PIAS1: variants seen among roughly 807,000 people sequenced by gnomAD.
PIAS1 encodes protein inhibitor of activated STAT 1.
In PIAS1, 6 loss-of-function variants were observed where a neutral mutation model predicts 71.3. That is an observed-to-expected ratio of 0.08 (90% CI 0.05 to 0.17). The LOEUF (loss-of-function observed/expected upper bound fraction) is 0.17, where lower values mean the gene tolerates loss of function less well. Among genes scored for constraint, PIAS1 ranks in the 10% least tolerant of loss-of-function variants. PIAS1 has a pLI of 1.00. For missense variants in PIAS1, 555 were observed against 793.6 expected, an observed-to-expected ratio of 0.70 and a Z score of 3.61; for synonymous variants, 303 against 292.9, an observed-to-expected ratio of 1.03 and a Z score of -0.35.
chr15:68,179,136 G>A (rs376283400), intron 11 of PIAS1, among the ~76,000 whole-genome samples: 1 of 152,182 alleles, frequency 6.6e-6, no homozygotes, highest in East Asian at 1.9e-4. Flanking sequence ...CCTCAGTACA[G>A]CATATTGTGT....
chr15:68,105,022 G>T (rs1372825076), intron 2 of PIAS1, among the ~76,000 whole-genome samples: 1 of 152,110 alleles, frequency 6.6e-6, no homozygotes, highest in Non-Finnish European at 1.5e-5. Context: ...TTCAACTCAG[G>T]GTAGGTGGGT....
Position 68,070,695 on chromosome 15 carries a change from T to C in PIAS1, c.25-15611T>C, listed in dbSNP as rs560838359. On this transcript the variant is annotated intron_variant, in intron 1 of 13. Transcript: ENST00000249636. ...AGTATGAAAAAAAGAATGGAAAATA[T>C]CTCATTAATGATTGATATTGATTGC... Among the ~76,000 whole-genome samples the C allele has an allele frequency of 3.6e-4, 47 of 131,412 alleles. 1 individual carries two copies. The East Asian group carries it at 4.0e-3, about 11-fold the overall frequency. 86.2% of individuals were successfully genotyped at this position (131,412 alleles called of 152,430 possible).
intron 10 of PIAS1, among the ~76,000 whole-genome samples, 195 bp downstream of exon 10, chr15:68,175,962 T>A (rs1419375401): frequency 6.6e-6 from 1 of 152,204 alleles, no homozygotes; most frequent in East Asian, 1.9e-4. Flanking sequence ...TTTAAAAAAT[T>A]TACTGATATA....
chr15:68,142,473 G>A (rs1327190602), intron 4 of PIAS1, 136 bp downstream of exon 4: 1 of 627,776 alleles, frequency 1.6e-6, no homozygotes, highest in Non-Finnish European at 2.7e-6. Flanking sequence ...ATCAGGAAGG[G>A]GAAATGGAAA....
At chr15:68,076,197 A>G (rs1275538629) in intron 1 of PIAS1, among the ~76,000 whole-genome samples, 1 of 152,112 alleles carries the variant, frequency 6.6e-6, no homozygotes, top group Non-Finnish European at 1.5e-5. Flanking sequence ...ACTCTGGAAG[A>G]TGTTTATTTT....
intron 1 of PIAS1, among the ~76,000 whole-genome samples, chr15:68,063,122 G>T (rs1218615113): frequency 4.6e-5 from 7 of 152,140 alleles, no homozygotes; most frequent in East Asian, 1.9e-4. Flanking sequence ...TCACAGGTAA[G>T]GGTTGTATAG....
intron 12 of PIAS1, 66 bp from the exon 13 acceptor site, chr15:68,183,553 GTTTTTGAAGTA>G (rs1286993427): frequency 1.8e-5 from 12 of 650,558 alleles, no homozygotes; most frequent in Non-Finnish European, 2.8e-5. Context: ...ACTTGTATTT[GTTTTTGAAGTA>G]TTGGGGCATT....
In PIAS1 at chr15:68,171,689, T is replaced by G. The variant is rs1281027570; in HGVS notation, c.1009-2043T>G. ...GAAGTAAGGAGGAAATAGTGTTAAT[T>G]TAGAGAAAGTAAAAGAGGCCCAGAA... is the stretch of plus-strand genomic sequence containing the variant. On this transcript the variant is annotated intron_variant, in intron 8 of 13. Coordinates refer to ENST00000249636, the MANE Select transcript of PIAS1 (RefSeq NM_016166.3). The surrounding 1 kb of genome is among the most constrained non-coding windows in gnomAD (Gnocchi z 4.4). Among the ~76,000 whole-genome samples, 1 of 152,114 alleles carries G rather than the reference T, an allele frequency of 6.6e-6. No homozygotes were observed. The highest frequency in any genetic ancestry group is 1.5e-5 in the Non-Finnish European group (1 of 68,014).
At chr15:68,117,605 C>T (rs986941656) in intron 2 of PIAS1, among the ~76,000 whole-genome samples, 1 of 152,146 alleles carries the variant, frequency 6.6e-6, no homozygotes, top group Non-Finnish European at 1.5e-5. Flanking sequence ...TGGATGAAAT[C>T]GTGAGATATT....
chr15:68,096,455 A>G (rs1403144910), intron 2 of PIAS1, among the ~76,000 whole-genome samples: 1 of 146,282 alleles, frequency 6.8e-6, no homozygotes, highest in Non-Finnish European at 1.5e-5. Flanking sequence ...TTTTTTTACT[A>G]TTTTTGCAAA....
intron 2 of PIAS1, among the ~76,000 whole-genome samples, chr15:68,109,134 A>G (rs965540297): frequency 6.6e-5 from 10 of 152,168 alleles, no homozygotes; most frequent in African/African-American, 1.7e-4. Context: ...GATACTGTGT[A>G]TGCTCTTGTC....
At position 68,054,365 on chromosome 15, in the gene PIAS1, G is replaced by C. The variant is rs757130020; in HGVS notation, c.24+15G>C. 4.5e-6 allele frequency: 7 copies of C among 1,569,788 alleles called. No homozygotes were observed. The highest frequency in any genetic ancestry group is 6.0e-6 in the Non-Finnish European group (7 of 1,157,944). The stretch of plus-strand genomic sequence containing the variant: ...CGGAACTAAAGGTAAAGCGCAGCTC[G>C]AATTCACTTCTAATATTCGGCCGCG... On this transcript the variant is annotated intron_variant, in intron 1 of 13. Transcript: ENST00000249636. The surrounding 1 kb of genome is among the most constrained non-coding windows in gnomAD (Gnocchi z 4.6).
chr15:68,152,745 G>A (rs2092856616), intron 6 of PIAS1, among the ~76,000 whole-genome samples: 1 of 151,958 alleles, frequency 6.6e-6, no homozygotes, highest in African/African-American at 2.4e-5. Context: ...TCTTCCTCTT[G>A]ATCCCAGCAC....
At chr15:68,164,022 G>C (rs1310648593) in intron 7 of PIAS1, among the ~76,000 whole-genome samples, 4 of 151,826 alleles carry the variant, frequency 2.6e-5, no homozygotes, top group Admixed American at 2.6e-4. Flanking sequence ...GAACAGCCTT[G>C]GAAAAGTAAA....
chr15:68,119,214 A>T (rs2092592406), intron 2 of PIAS1, among the ~76,000 whole-genome samples: 1 of 129,996 alleles, frequency 7.7e-6, no homozygotes, highest in Non-Finnish European at 1.6e-5. Flanking sequence ...AGCCTGGCCA[A>T]CATGGTGAAA....
rs777130897 is a variant in PIAS1, at chr15:68,145,777, C to T, written c.603-39C>T. ...TAACAATAATACTAATGAAGTCATC[C>T]TTTAATAAAGGAAATTAAACTTGTC... On this transcript the variant is annotated intron_variant, in intron 4 of 13. Coordinates refer to ENST00000249636, the MANE Select transcript of PIAS1 (RefSeq NM_016166.3). 31 of 1,159,662 alleles carry T rather than the reference C, an allele frequency of 2.7e-5. No individual in the cohort carries two copies. In the African/African-American group the frequency reaches 4.6e-4, roughly 17 times the overall value. 71.8% of individuals were successfully genotyped at this position (1,159,662 alleles called of 1,614,324 possible). A position where few individuals can be genotyped will look rare whatever the true frequency, so the allele number is the denominator to read the frequency against.
chr15:68,065,695 G>T (rs529753670), intron 1 of PIAS1, among the ~76,000 whole-genome samples: 97 of 150,930 alleles, frequency 6.4e-4, no homozygotes, highest in Non-Finnish European at 1.2e-3. Flanking sequence ...AATGCTAAAC[G>T]GTAGTAGCTT....
At position 68,054,448 on chromosome 15, in the gene PIAS1, C is replaced by T. The variant is rs926416500; in HGVS notation, c.24+98C>T. 3.9e-6 allele frequency: 5 copies of T among 1,294,308 alleles called. No homozygotes were observed. The highest frequency in any genetic ancestry group is 1.3e-5 in the South Asian group (1 of 77,622). The allele number at this position is 1,294,308 out of a possible 1,614,324, so 80.2% of individuals were successfully genotyped here. A position where few individuals can be genotyped will look rare whatever the true frequency, so the allele number is the denominator to read the frequency against. ...TCCGACCCTGGGGGGCCTCTCGGGC[C>T]TGACTCCACCCGGGCCTGGAGTTGT... is the stretch of plus-strand genomic sequence containing the variant. On this transcript the variant is annotated intron_variant, in intron 1 of 13. Transcript: ENST00000249636. The surrounding 1 kb of genome is among the most constrained non-coding windows in gnomAD (Gnocchi z 4.6).
At chr15:68,157,828 C>T (rs2092901405) in intron 7 of PIAS1, among the ~76,000 whole-genome samples, 2 of 152,144 alleles carry the variant, frequency 1.3e-5, no homozygotes, top group Non-Finnish European at 2.9e-5. Flanking sequence ...AGCTAACTAC[C>T]TTCACCTAAG....
Sources: gnomAD v4.1 joint callset for allele counts (sites outside exome capture counted in the v4.1 genomes callset) on GRCh38, gnomAD v4.1.1 for gene constraint, Gnocchi (gnomAD v3.1) non-coding constraint, MANE v1.5 for transcripts, NCBI Gene and HGNC (gene_info 2026-07-23, HGNC 2026-07-21) for gene names.